The following SNTB2 variants were observed in gnomAD, a reference collection of about 807,000 sequenced individuals.
The protein encoded by SNTB2 is beta-2-syntrophin.
A neutral mutation model predicts 46.2 loss-of-function variants in SNTB2; 34 were observed. That is an observed-to-expected ratio of 0.74 (90% CI 0.56 to 0.98). The LOEUF (loss-of-function observed/expected upper bound fraction) is 0.98, where lower values mean the gene tolerates loss of function less well. Ranked by LOEUF, SNTB2 falls within the 50% of genes least tolerant of loss-of-function variation. The pLI, the probability that SNTB2 is intolerant of heterozygous loss-of-function variation, is 0.00. For synonymous variants in SNTB2, 290 were observed against 312.6 expected, an observed-to-expected ratio of 0.93 and a Z score of 0.76; for missense variants, 603 against 731.4, an observed-to-expected ratio of 0.82 and a Z score of 2.02.
chr16:69,229,205 T>C (rs1964484055), intron 1 of SNTB2, among the ~76,000 whole-genome samples: 4 of 152,172 alleles, frequency 2.6e-5, no homozygotes, highest in African/African-American at 9.6e-5. Context: ...AGGATCTCAC[T>C]CTGTCATTCA....
At chr16:69,215,042 C>A (rs1449432772) in intron 1 of SNTB2, among the ~76,000 whole-genome samples, 1 of 151,974 alleles carries the variant, frequency 6.6e-6, no homozygotes, top group African/African-American at 2.4e-5. Flanking sequence ...GGGGTTTCAC[C>A]ATGTTGGCCA....
intron 1 of SNTB2, among the ~76,000 whole-genome samples, chr16:69,242,454 G>C (rs1226648889): frequency 6.6e-6 from 1 of 151,870 alleles, no homozygotes; most frequent in African/African-American, 2.4e-5. Flanking sequence ...TTTGAACAAG[G>C]TCTCAGAATA....
intron 1 of SNTB2, among the ~76,000 whole-genome samples, chr16:69,227,565 G>A (rs1442039711): frequency 6.6e-6 from 1 of 152,220 alleles, no homozygotes; most frequent in African/African-American, 2.4e-5. Context: ...TCTGAAGGGT[G>A]ACTAGGAAAA....
rs1388522697 is a variant in SNTB2 at position 69,232,494 on chromosome 16, G to A, written c.581-13108G>A. Among the ~76,000 whole-genome samples the A allele has an allele frequency of 7.2e-5, 9 of 124,292 alleles. No homozygotes were observed. The South Asian group carries it at 2.0e-3, about 28-fold the overall frequency. 81.5% of individuals were successfully genotyped at this position (124,292 alleles called of 152,430 possible). ...TGCTGGGATTACAGGTGTGAGCCAC[G>A]GTGCGGCCTTTTTTTTTTTTTTTTT... is the stretch of plus-strand genomic sequence containing the variant. On this transcript the variant is annotated intron_variant, in intron 1 of 6. Transcript: ENST00000336278.
intron 1 of SNTB2, among the ~76,000 whole-genome samples, chr16:69,219,623 C>A (rs576324740): frequency 6.6e-6 from 1 of 152,190 alleles, no homozygotes; most frequent in Admixed American, 6.5e-5. Flanking sequence ...GAATATGATT[C>A]TAGTATATTT....
chr16:69,211,299 A>G (rs2152292070), intron 1 of SNTB2, among the ~76,000 whole-genome samples: 1 of 152,172 alleles, frequency 6.6e-6, no homozygotes, highest in East Asian at 1.9e-4. Flanking sequence ...GAGTGTATGT[A>G]TTTAAGGTTG....
At chr16:69,225,549 CAT>C (rs1267495337) in intron 1 of SNTB2, among the ~76,000 whole-genome samples, 1 of 152,186 alleles carries the variant, frequency 6.6e-6, no homozygotes, top group East Asian at 1.9e-4. Flanking sequence ...GCTGCTGTTA[CAT>C]CCAATTATGT....
chr16:69,187,782 G>GCTGAA, intron 1 of SNTB2, 36 bp downstream of exon 1: 1 of 1,341,078 alleles, frequency 7.5e-7, no homozygotes, highest in Non-Finnish European at 9.6e-7. Context: ...GGCAGGCCGC[G>GCTGAA]GCGGCCTGGG....
intron 1 of SNTB2, chr16:69,230,535 G>A (rs1964497130): frequency 1.3e-5 from 2 of 151,838 alleles, no homozygotes; most frequent in Admixed American, 6.6e-5. Flanking sequence ...CTAAGTTTTT[G>A]TATTTTTAGT....
chr16:69,191,364 A>G (rs371935092), intron 1 of SNTB2: 1 of 48,484 alleles, frequency 2.1e-5, no homozygotes. Flanking sequence ...TGGGCAACAT[A>G]GCAAGACCCT....
chr16:69,291,727 AAAAT>A (rs1280364779), intron 5 of SNTB2, among the ~76,000 whole-genome samples: 2 of 152,196 alleles, frequency 1.3e-5, no homozygotes, highest in African/African-American at 2.4e-5. Flanking sequence ...ATAAAAATAA[AAAAT>A]AAATAAAATA....
intron 4 of SNTB2, among the ~76,000 whole-genome samples, chr16:69,277,356 A>T (rs749811671): frequency 2.0e-5 from 3 of 152,210 alleles, no homozygotes; most frequent in Non-Finnish European, 2.9e-5. Flanking sequence ...ATCTTTTATA[A>T]TGAACCATTT....
intron 4 of SNTB2, among the ~76,000 whole-genome samples, chr16:69,278,126 G>A (rs1427943870): frequency 6.6e-6 from 1 of 151,996 alleles, no homozygotes; most frequent in Non-Finnish European, 1.5e-5. Context: ...AGATCAGCCT[G>A]GGCAACATAA....
intron 5 of SNTB2, among the ~76,000 whole-genome samples, chr16:69,293,216 A>G (rs963607679): frequency 3.9e-5 from 6 of 152,288 alleles, no homozygotes; most frequent in Non-Finnish European, 7.4e-5. Context: ...AGTTTGGCTC[A>G]TATGTCCAGT....
intron 1 of SNTB2, among the ~76,000 whole-genome samples, chr16:69,199,057 C>A (rs1216913241): frequency 6.6e-6 from 1 of 151,986 alleles, no homozygotes; most frequent in Non-Finnish European, 1.5e-5. Context: ...CCACCATGTC[C>A]AGCTAATTTT....
At chr16:69,242,597 T>A (rs919980010) in intron 1 of SNTB2, among the ~76,000 whole-genome samples, 2 of 152,254 alleles carry the variant, frequency 1.3e-5, no homozygotes, top group African/African-American at 4.8e-5. Context: ...ATATTTTGAT[T>A]AAGTTCCTTC....
intron 1 of SNTB2, among the ~76,000 whole-genome samples, chr16:69,227,043 A>G (rs1048242875): frequency 2.6e-5 from 4 of 152,198 alleles, no homozygotes; most frequent in East Asian, 1.9e-4. Context: ...CCATTTCCCA[A>G]ATATTCACAA....
Position 69,297,334 on chromosome 16 carries a change from A to G in SNTB2, c.1346-2256A>G, listed in dbSNP as rs948152125. On this transcript the variant is annotated intron_variant, in intron 5 of 6. Coordinates refer to ENST00000336278, the MANE Select transcript of SNTB2 (RefSeq NM_006750.4). ...AAAAAAAAAAAAAAAAAAAAAAAAA[A>G]GGAGGCCGGGCACGGTGGCTCATGC... Among the ~76,000 whole-genome samples, 6 of 124,850 alleles carry G rather than the reference A, an allele frequency of 4.8e-5. No individual in the cohort carries two copies. In the South Asian group the frequency reaches 1.4e-3, roughly 29 times the overall value. 81.9% of individuals were successfully genotyped at this position (124,850 alleles called of 152,430 possible).
At chr16:69,206,107 C>T (rs1964213612) in intron 1 of SNTB2, among the ~76,000 whole-genome samples, 1 of 152,108 alleles carries the variant, frequency 6.6e-6, no homozygotes, top group Non-Finnish European at 1.5e-5. Context: ...GGAGATTTTC[C>T]CGCCTTAGCC....
Sources: allele counts gnomAD v4.1 joint callset (sites outside exome capture counted in the v4.1 genomes callset), GRCh38; gene constraint gnomAD v4.1.1; transcripts MANE v1.5; gene names NCBI Gene and HGNC (gene_info 2026-07-23, HGNC 2026-07-21).